The following RYR3 variants were observed in gnomAD, a reference collection of about 807,000 sequenced individuals.
RYR3 encodes brain ryanodine receptor-calcium release channel.
A neutral mutation model predicts 584.3 loss-of-function variants in RYR3; 207 were observed. The observed-to-expected ratio is 0.35, with a 90% CI of 0.32 to 0.40. The LOEUF (loss-of-function observed/expected upper bound fraction) is 0.40, where lower values mean the gene tolerates loss of function less well. Ranked by LOEUF, RYR3 falls within the 10% of genes least tolerant of loss-of-function variation. The pLI, the probability that RYR3 is intolerant of heterozygous loss-of-function variation, is 1.00. For missense variants in RYR3, 5,616 were observed against 6,089.2 expected, an observed-to-expected ratio of 0.92 and a Z score of 2.59; for synonymous variants, 2,416 against 2,248.5, an observed-to-expected ratio of 1.07 and a Z score of -2.11.
At chr15:33,763,164 C>T (rs2072659025) in intron 60 of RYR3, among the ~76,000 whole-genome samples, 1 of 152,106 alleles carries the variant, frequency 6.6e-6, no homozygotes. Flanking sequence ...CCGTAAAAAG[C>T]CTAGAAGAAA....
rs749578041 is a variant in RYR3 at position 33,736,289 on chromosome 15, G to T, written c.7479G>T (p.Val2493=). The change falls in exon 49 of 104, where the codon GTG becomes GTT. Residue 2493 remains valine, a synonymous_variant. Coordinates refer to ENST00000634891, the MANE Select transcript of RYR3 (RefSeq NM_001036.6). The part of the protein sequence containing the change: ...QQLLRRLVFD[V]PQLNEYCKMP... ...TCCTGCGACGCCTCGTTTTTGATGT[G>T]CCGCAACTCAATGAATACTGCAAAA... The T allele has an allele frequency of 1.3e-5, 21 of 1,613,010 alleles. No individual in the cohort carries two copies. In the South Asian group the frequency reaches 2.2e-4, roughly 17 times the overall value.
chr15:33,663,020 T>C, intron 35 of RYR3, 72 bp downstream of exon 35: 1 of 1,390,390 alleles, frequency 7.2e-7, no homozygotes, highest in Non-Finnish European at 1.0e-6. Context: ...AGGAACACAC[T>C]GAGGATTAAA....
intron 1 of RYR3, among the ~76,000 whole-genome samples, chr15:33,318,815 C>G (rs1968553539): frequency 6.6e-6 from 1 of 152,138 alleles, no homozygotes; most frequent in African/African-American, 2.4e-5. Context: ...TAAGGTGACT[C>G]TACATCAAAA....
intron 38 of RYR3, among the ~76,000 whole-genome samples, chr15:33,676,837 G>A (rs898857855): frequency 1.3e-5 from 2 of 152,160 alleles, no homozygotes; most frequent in African/African-American, 4.8e-5. Context: ...CACAGTAATC[G>A]ATGCTTAAAA....
chr15:33,553,299 C>T (rs754202730), intron 10 of RYR3, among the ~76,000 whole-genome samples: 1 of 152,108 alleles, frequency 6.6e-6, no homozygotes, highest in African/African-American at 2.4e-5. Context: ...TTGGTAATGA[C>T]GAGCTTCCCA....
At chr15:33,570,514 T>A (rs2057969369) in intron 12 of RYR3, among the ~76,000 whole-genome samples, 1 of 152,166 alleles carries the variant, frequency 6.6e-6, no homozygotes, top group Non-Finnish European at 1.5e-5. Context: ...TCATGTACAG[T>A]GAATGCTCCA....
chr15:33,821,501 A>G, intron 79 of RYR3, 22 bp from the exon 80 acceptor site: 1 of 1,613,252 alleles, frequency 6.2e-7, no homozygotes, highest in Non-Finnish European at 8.5e-7. Flanking sequence ...TTGGTGATTC[A>G]ATCGAATCTT....
intron 74 of RYR3, among the ~76,000 whole-genome samples, chr15:33,814,259 G>T (rs986074867): frequency 1.3e-5 from 2 of 152,154 alleles, no homozygotes; most frequent in South Asian, 2.1e-4. Flanking sequence ...TGGTGATGTG[G>T]TGACATTCCT....
intron 1 of RYR3, among the ~76,000 whole-genome samples, chr15:33,385,951 C>T (rs925697733): frequency 4.1e-4 from 63 of 152,076 alleles, no homozygotes; most frequent in African/African-American, 1.5e-3. Flanking sequence ...GTGATCCTCC[C>T]GCCCTGGCCT....
intron 1 of RYR3, among the ~76,000 whole-genome samples, chr15:33,336,233 A>G (rs2140741925): frequency 6.6e-6 from 1 of 151,396 alleles, no homozygotes; most frequent in East Asian, 2.0e-4. Flanking sequence ...GGAGTTTGAG[A>G]CCAGCCTGGC....
intron 27 of RYR3, among the ~76,000 whole-genome samples, chr15:33,639,630 C>T (rs1386738768): frequency 1.3e-5 from 2 of 152,166 alleles, no homozygotes; most frequent in African/African-American, 4.8e-5. Context: ...GCTTTGATTT[C>T]AGTCATTACC....
At chr15:33,842,757 T>A (rs561792726) in intron 91 of RYR3, among the ~76,000 whole-genome samples, 1 of 152,254 alleles carries the variant, frequency 6.6e-6, no homozygotes, top group South Asian at 2.1e-4. Context: ...TACATCCAGG[T>A]TGGGAGTTGC....
intron 43 of RYR3, among the ~76,000 whole-genome samples, chr15:33,719,651 C>T (rs559808472): frequency 6.6e-6 from 1 of 152,274 alleles, no homozygotes; most frequent in African/African-American, 2.4e-5. Flanking sequence ...CAAAACCATT[C>T]GAAAGTAGTG....
chr15:33,755,590 C>T (rs2071739170), intron 58 of RYR3, among the ~76,000 whole-genome samples: 1 of 152,128 alleles, frequency 6.6e-6, no homozygotes, highest in Non-Finnish European at 1.5e-5. Flanking sequence ...GCACTCCAGC[C>T]TGGGGACAGA....
At chr15:33,522,420 T>C (rs1416099766) in intron 3 of RYR3, among the ~76,000 whole-genome samples, 1 of 152,184 alleles carries the variant, frequency 6.6e-6, no homozygotes, top group Non-Finnish European at 1.5e-5. Context: ...GAAGATTTCT[T>C]AGGGGGGAAA....
intron 38 of RYR3, among the ~76,000 whole-genome samples, chr15:33,674,965 A>G (rs571961700): frequency 5.9e-5 from 9 of 151,696 alleles, no homozygotes; most frequent in African/African-American, 2.2e-4. Flanking sequence ...TGAAAAATCC[A>G]GTGGCTATAG....
chr15:33,600,754 C>T (rs1275860987), intron 16 of RYR3, among the ~76,000 whole-genome samples: 2 of 152,026 alleles, frequency 1.3e-5, no homozygotes, highest in Admixed American at 1.3e-4. Context: ...AGCAAAAGAC[C>T]GAAGAACAGG....
intron 38 of RYR3, among the ~76,000 whole-genome samples, chr15:33,679,299 C>T (rs1241431325): frequency 6.6e-6 from 1 of 152,128 alleles, no homozygotes; most frequent in Non-Finnish European, 1.5e-5. Context: ...CTCATCTCCT[C>T]GCTGTAAATG....
chr15:33,542,106 C>T (rs920316950), intron 7 of RYR3, among the ~76,000 whole-genome samples: 2 of 152,152 alleles, frequency 1.3e-5, no homozygotes. Flanking sequence ...GTCTGGATAA[C>T]TCATCACTTG....
Sources: gnomAD v4.1 joint callset for allele counts (sites outside exome capture counted in the v4.1 genomes callset) on GRCh38, gnomAD v4.1.1 for gene constraint, MANE v1.5 for transcripts, NCBI Gene and HGNC (gene_info 2026-07-23, HGNC 2026-07-21) for gene names.